The following EXOG variants were observed in gnomAD, a reference collection of about 807,000 sequenced individuals.
The protein encoded by EXOG is exo/endonuclease G, also known as nuclease EXOG, mitochondrial.
In EXOG, 27 loss-of-function variants were observed where a neutral mutation model predicts 25.8. That is an observed-to-expected ratio of 1.05 (90% CI 0.77 to 1.45). The LOEUF is 1.45. Among genes scored for constraint, EXOG ranks in the 40% most tolerant of loss-of-function variants. The pLI is 0.00. For missense variants in EXOG, 458 were observed against 450.5 expected (o/e 1.02, Z -0.15); for synonymous variants, 133 against 167.0 (o/e 0.80, Z 1.57).
intron 3 of EXOG, among the ~76,000 whole-genome samples, chr3:38,502,035 G>C (rs942967705): frequency 6.6e-6 from 1 of 151,706 alleles, no homozygotes; most frequent in Non-Finnish European, 1.5e-5. Context: ...TGATTCTCCT[G>C]CCTCAGCCTC....
At chr3:38,501,243 T>A in intron 2 of EXOG, 112 bp from the exon 3 acceptor site, 2 of 803,314 alleles carry the variant, frequency 2.5e-6, no homozygotes, top group Non-Finnish European at 4.3e-6. Flanking sequence ...CAATCCCTAA[T>A]ACTAGCTGCT....
intron 1 of EXOG, chr3:38,497,038 A>G: frequency 2.0e-6 from 2 of 1,002,506 alleles, no homozygotes; most frequent in Non-Finnish European, 2.4e-6. Context: ...TCCAAAGTGT[A>G]TAAAAACTCA....
At chr3:38,522,941 A>G (rs1411839676) in intron 5 of EXOG, among the ~76,000 whole-genome samples, 1 of 152,256 alleles carries the variant, frequency 6.6e-6, no homozygotes, top group African/African-American at 2.4e-5. Context: ...ATACCTTTCC[A>G]AAATGTTTGA....
At chr3:38,505,735 G>A (rs965196784) in intron 4 of EXOG, among the ~76,000 whole-genome samples, 1 of 151,968 alleles carries the variant, frequency 6.6e-6, no homozygotes, top group Admixed American at 6.6e-5. Flanking sequence ...TGGGCAGATC[G>A]CTTGAGGTCA....
At position 38,503,639 on chromosome 3, in the gene EXOG, C is replaced by G; in HGVS notation, c.478C>G (p.Leu160Val). The change falls in exon 4 of 6, where the codon CTT becomes GTT. Residue 160 changes from leucine to valine, a missense_variant. Leu to Val is a conservative substitution (Grantham distance 32, BLOSUM62 1). Transcript: ENST00000287675. ...SSKAMAETFYLSNIVPQDFDN... is the reference protein window; with the variant it reads ...SSKAMAETFYVSNIVPQDFDN... ...GAAAGCCATGGCTGAAACCTTTTAC[C>G]TTTCTAACATTGTGCCTCAGGATTT... 1.9e-6 allele frequency: 3 copies of G among 1,605,818 alleles called. No homozygotes were observed. Among genetic ancestry groups the G allele is most frequent in the South Asian group, 2.2e-5 (2 of 90,776 alleles).
intron 5 of EXOG, among the ~76,000 whole-genome samples, chr3:38,521,179 G>A (rs925785007): frequency 6.6e-6 from 1 of 152,084 alleles, no homozygotes; most frequent in African/African-American, 2.4e-5. Flanking sequence ...ATTAGTGAGT[G>A]GCTAAGTTTT....
At chr3:38,510,456 A>G (rs2060333919) in intron 5 of EXOG, among the ~76,000 whole-genome samples, 1 of 152,110 alleles carries the variant, frequency 6.6e-6, no homozygotes, top group Non-Finnish European at 1.5e-5. Flanking sequence ...TGTGATATGT[A>G]AGTAAATATC....
intron 1 of EXOG, 85 bp downstream of exon 1, chr3:38,496,615 G>A (rs2059896656): frequency 6.5e-7 from 1 of 1,529,842 alleles, no homozygotes; most frequent in South Asian, 1.3e-5. Flanking sequence ...AGTCCTTGAC[G>A]GACAGCCTTC....
At chr3:38,503,719 A>G (rs1247012068) in intron 4 of EXOG, 28 bp downstream of exon 4, 1 of 1,266,596 alleles carries the variant, frequency 7.9e-7, no homozygotes. Context: ...TAAAAACATG[A>G]TTCTATGGAA....
rs1206807573 is a variant in EXOG at position 38,526,031 on chromosome 3, A to G, written c.*1669A>G. The stretch of plus-strand genomic sequence containing the variant: ...CTGTGTGCCTGCTTGTCTACCTAGC[A>G]TAGTAGGCCAAAGGTCCAAAGGCAT... On this transcript the variant is annotated 3_prime_UTR_variant, in exon 6 of 6. Coordinates refer to ENST00000287675, the MANE Select transcript of EXOG (RefSeq NM_005107.4). The G allele has an allele frequency of 1.0e-6, 1 of 985,322 alleles. No individual in the cohort carries two copies. Among genetic ancestry groups the G allele is most frequent in the East Asian group, 1.1e-4 (1 of 8,832 alleles). 61.0% of individuals were successfully genotyped at this position (985,322 alleles called of 1,614,324 possible).
At chr3:38,516,771 C>G (rs944422882) in intron 5 of EXOG, among the ~76,000 whole-genome samples, 2 of 152,020 alleles carry the variant, frequency 1.3e-5, no homozygotes, top group Non-Finnish European at 2.9e-5. Context: ...TTAATCTGAA[C>G]TAGCTTCTGA....
Position 38,496,677 on chromosome 3 carries a change from C to T in EXOG, c.163+147C>T, listed in dbSNP as rs2059899010. On this transcript the variant is annotated intron_variant, in intron 1 of 5. Coordinates refer to ENST00000287675, the MANE Select transcript of EXOG (RefSeq NM_005107.4). ...CCTTGGTTTCTGACCTTTATTCTCC[C>T]GGCTCGGCCTCCCTTCCCCACCTCG... 8 of 1,443,864 alleles carry T rather than the reference C, an allele frequency of 5.5e-6. No homozygotes were observed. In the East Asian group the frequency reaches 7.6e-5, roughly 14 times the overall value. 89.4% of individuals were successfully genotyped at this position (1,443,864 alleles called of 1,614,324 possible).
chr3:38,498,198 A>G (rs1002642457), intron 2 of EXOG, among the ~76,000 whole-genome samples: 11 of 152,194 alleles, frequency 7.2e-5, no homozygotes, highest in Admixed American at 3.9e-4. Flanking sequence ...ATAATTTTAG[A>G]TGTATAATTA....
In EXOG at chr3:38,510,551, G is replaced by A. The variant is rs553074300; in HGVS notation, c.645+3583G>A. 6.6e-5 allele frequency among the ~76,000 whole-genome samples: 10 copies of A among 152,140 alleles called. No homozygotes were observed. In the South Asian group the frequency reaches 1.9e-3, roughly 28 times the overall value. ...TTTAAAAAGTTTAGGGAAAAGAGAA[G>A]AGAGTGATAAAGCAAATAGAACAAA... On this transcript the variant is annotated intron_variant, in intron 5 of 5. Transcript: ENST00000287675.
At position 38,496,387 on chromosome 3, in the gene EXOG, C is replaced by CTTCCCGCCTCCGGGG. The variant is rs765771875; in HGVS notation, c.27_41dup (p.Leu10_Arg14dup). 6.2e-7 allele frequency: 1 copy of CTTCCCGCCTCCGGGG among 1,613,866 alleles called. No individual in the cohort carries two copies. Among genetic ancestry groups the CTTCCCGCCTCCGGGG allele is most frequent in the East Asian group, 2.2e-5 (1 of 44,848 alleles). On this transcript the variant is annotated inframe_insertion, in exon 1 of 6. Coordinates refer to ENST00000287675, the MANE Select transcript of EXOG (RefSeq NM_005107.4). ...GGCAAGATGGCTATCAAGAGTATCG[C>CTTCCCGCCTCCGGGG]TTCCCGCCTCCGGGGTTCCCGTCGT...
At chr3:38,497,110 T>G (rs866899763) in intron 1 of EXOG, 28 of 1,008,862 alleles carry the variant, frequency 2.8e-5, no homozygotes, top group Middle Eastern at 9.9e-4. Context: ...AGCTCATTTC[T>G]TGTACTTTGC....
rs760406268 is a variant in EXOG at position 38,523,989 on chromosome 3, C to T, written c.734C>T (p.Ala245Val). The T allele has an allele frequency of 1.3e-5, 21 of 1,613,696 alleles. No homozygotes were observed. Among genetic ancestry groups the T allele is most frequent in the East Asian group, 6.7e-5 (3 of 44,898 alleles). The change falls in exon 6 of 6, where the codon GCG becomes GTG. Residue 245 changes from alanine (A) to valine (V), a missense_variant. This residue lies in a region of EXOG where 178 missense variants were observed against 203.7 expected (regional missense o/e 0.87). Transcript: ENST00000287675. ...AGCTCAGTATCTACCGAACCACTGG[C>T]GCTAGGGGCCTTTGTGGTACCCAAT... is the stretch of plus-strand genomic sequence containing the variant. Reference protein sequence around the residue: ...RRSSVSTEPLALGAFVVPNEA... With the variant: ...RRSSVSTEPLVLGAFVVPNEA...
intron 1 of EXOG, chr3:38,496,793 C>A: frequency 6.8e-7 from 1 of 1,461,026 alleles, no homozygotes. Flanking sequence ...TTCTTCCCCC[C>A]AGTTACTCAT....
In EXOG at chr3:38,524,846, T is replaced by C; in HGVS notation, c.*484T>C. The C allele has an allele frequency of 3.0e-6, 3 of 986,762 alleles. No homozygotes were observed. The highest frequency in any genetic ancestry group is 3.6e-6 in the Non-Finnish European group (3 of 830,964). 61.1% of individuals were successfully genotyped at this position (986,762 alleles called of 1,614,324 possible). ...TTTGTATCCCTGTGGATGTAGAGTA[T>C]TGGGAAGGCATTTGTTTAGTTTCAT... On this transcript the variant is annotated 3_prime_UTR_variant, in exon 6 of 6. Transcript: ENST00000287675.
Sources: allele counts gnomAD v4.1 joint callset (sites outside exome capture counted in the v4.1 genomes callset), GRCh38; gene constraint gnomAD v4.1.1; regional missense constraint gnomAD v4.1.1; transcripts MANE v1.5; gene names NCBI Gene and HGNC (gene_info 2026-07-23, HGNC 2026-07-21).